Variants in MRM3 observed in about 807,000 individuals in gnomAD.
The protein encoded by MRM3 is rRNA methyltransferase 3, mitochondrial.
In MRM3, 26 loss-of-function variants were observed where a neutral mutation model predicts 29.4. The ratio of observed to expected loss-of-function variants is 0.89; its 90% confidence interval spans 0.65 to 1.23. The LOEUF is 1.23. Ranked by LOEUF, MRM3 falls within the 50% of genes most tolerant of loss-of-function variation. The pLI, the probability that MRM3 is intolerant of heterozygous loss-of-function variation, is 0.00. For missense variants in MRM3, 578 were observed against 540.2 expected, an observed-to-expected ratio of 1.07 and a Z score of -0.69; for synonymous variants, 225 against 219.0, an observed-to-expected ratio of 1.03 and a Z score of -0.24.
Position 782,478 on chromosome 17 carries a change from C to A in MRM3, c.100C>A (p.Arg34=), listed in dbSNP as rs139746250. 942 of 1,613,718 alleles carry A rather than the reference C, an allele frequency of 5.8e-4. 4 individuals are homozygous for A. The African/African-American group carries it at 0.011, about 19-fold the overall frequency. ...LDARRWVRAL[R]RSPVKVVFPS... is the part of the protein sequence containing the mutation. Reference sequence around the variant, plus strand: ...CGCGAGGCGCTGGGTCCGGGCGCTGCGGCGGAGCCCAGTGAAAGTGGTGTT... The same window carrying A: ...CGCGAGGCGCTGGGTCCGGGCGCTGAGGCGGAGCCCAGTGAAAGTGGTGTT... The change falls in exon 1 of 4, where the codon CGG becomes AGG. Residue 34 remains arginine, a synonymous_variant. Coordinates refer to ENST00000304478, the MANE Select transcript of MRM3 (RefSeq NM_018146.4).
chr17:788,084 C>A lies in MRM3; in HGVS notation c.679C>A (p.Leu227Met). ...LRDPGNLGTI[L>M]RSAAGAGCSK... is the part of the protein sequence containing the mutation. ...TGACCCTGGGAACCTGGGGACAATTCTGAGATCTGCAGCTGGGGCAGGCTG... is the reference window on the plus strand; with the variant it reads ...TGACCCTGGGAACCTGGGGACAATTATGAGATCTGCAGCTGGGGCAGGCTG... The change falls in exon 3 of 4, where the codon CTG (leucine) becomes ATG (methionine). Residue 227 changes from leucine (L) to methionine (M), a missense_variant. Transcript: ENST00000304478. 1 of 1,614,166 alleles carries A rather than the reference C, an allele frequency of 6.2e-7. No individual in the cohort carries two copies. The highest frequency in any genetic ancestry group is 8.5e-7 in the Non-Finnish European group (1 of 1,180,036).
At chr17:791,431 A>C (rs1160796274) in intron 3 of MRM3, 103 bp from the exon 4 acceptor site, 3 of 1,200,270 alleles carry the variant, frequency 2.5e-6, no homozygotes, top group Non-Finnish European at 3.5e-6. Context: ...CTATCATAGA[A>C]GAACTGGTTT....
At position 792,202 on chromosome 17, in the gene MRM3, A is replaced by G; in HGVS notation, c.*133A>G. 2.4e-6 allele frequency: 2 copies of G among 830,460 alleles called. No homozygotes were observed. Among genetic ancestry groups the G allele is most frequent in the Non-Finnish European group, 3.7e-6 (2 of 545,384 alleles). 51.4% of individuals were successfully genotyped at this position (830,460 alleles called of 1,614,324 possible). The stretch of plus-strand genomic sequence containing the variant: ...AGGTGTGATGCCGTCATACAGTTAC[A>G]GGAAAAATAAGAACTTCCTCAGAAA... On this transcript the variant is annotated 3_prime_UTR_variant, in exon 4 of 4. Transcript: ENST00000304478.
In MRM3 at chr17:792,026, G is replaced by C; in HGVS notation, c.1220G>C (p.Arg407Pro). The change falls in exon 4 of 4, where the codon CGG becomes CCG. Residue 407 changes from arginine (R) to proline (P), a missense_variant. By Grantham distance (103) the Arg-to-Pro change is moderately radical. Transcript: ENST00000304478. ...ILLFEGKRQL[R>P]GRAEDLSRDR... is the part of the protein sequence containing the mutation. ...CTTTTCGAAGGGAAAAGACAGCTGCGGGGGAGGGCGGAGGACTTGAGCAGG... is the reference window on the plus strand; with the variant it reads ...CTTTTCGAAGGGAAAAGACAGCTGCCGGGGAGGGCGGAGGACTTGAGCAGG... 5 of 1,612,816 alleles carry C rather than the reference G, an allele frequency of 3.1e-6. No individual in the cohort carries two copies. Among genetic ancestry groups the C allele is most frequent in the Non-Finnish European group, 4.2e-6 (5 of 1,179,514 alleles).
At chr17:790,008 C>T (rs1910718141) in intron 3 of MRM3, 1 of 152,276 alleles carries the variant, frequency 6.6e-6, no homozygotes, top group Non-Finnish European at 1.5e-5. Flanking sequence ...AAGCCCGTGG[C>T]TGGGGGTGCA....
chr17:791,863 G>GT lies in MRM3; in HGVS notation c.1058dup (p.Val354GlyfsTer73). ...GGACTGGACAGAGGCGCCGGCAGCT[G>GT]TGGTGATTGGCGGGGAGACCTACGG... is the stretch of plus-strand genomic sequence containing the variant. On this transcript the variant is annotated frameshift_variant, in exon 4 of 4. Coordinates refer to ENST00000304478, the MANE Select transcript of MRM3 (RefSeq NM_018146.4). LOFTEE classifies it high-confidence loss of function. The GT allele has an allele frequency of 3.7e-6, 6 of 1,614,138 alleles. No homozygotes were observed. The highest frequency in any genetic ancestry group is 5.1e-6 in the Non-Finnish European group (6 of 1,180,046).
chr17:783,147 G>T lies in MRM3; in HGVS notation c.379G>T (p.Gly127Cys). 1.2e-6 allele frequency: 2 copies of T among 1,614,110 alleles called. No individual in the cohort carries two copies. The highest frequency in any genetic ancestry group is 2.2e-5 in the South Asian group (2 of 91,088). ...REKQGKILLE[G>C]RRLISDALKA... ...AAAACAAGGGAAGATCCTGCTGGAA[G>T]GTCGCAGGCTCATTTCAGACGCTCT... Residue 127 changes from glycine to cysteine, a missense_variant, in exon 2 of 4, where the codon GGT (glycine) becomes TGT (cysteine). Coordinates refer to ENST00000304478, the MANE Select transcript of MRM3 (RefSeq NM_018146.4).
rs1039337965 is a variant in MRM3 at position 792,382 on chromosome 17, G to A, written c.*313G>A. The A allele has an allele frequency of 1.7e-5, 5 of 293,218 alleles. No individual in the cohort carries two copies. Among genetic ancestry groups the A allele is most frequent in the African/African-American group, 4.3e-5 (2 of 46,106 alleles). 18.2% of individuals were successfully genotyped at this position (293,218 alleles called of 1,614,324 possible). ...AAGTTCCTGAAGCATCATCCTGGCAGGGAGGCGCCTGCTCCACCAGCTGGT... is the reference window on the plus strand; with the variant it reads ...AAGTTCCTGAAGCATCATCCTGGCAAGGAGGCGCCTGCTCCACCAGCTGGT... On this transcript the variant is annotated 3_prime_UTR_variant, in exon 4 of 4. Coordinates refer to ENST00000304478, the MANE Select transcript of MRM3 (RefSeq NM_018146.4).
In MRM3 at chr17:791,604, C is replaced by T; in HGVS notation, c.798C>T (p.Ile266=). The T allele has an allele frequency of 6.2e-7, 1 of 1,614,184 alleles. No homozygotes were observed. The highest frequency in any genetic ancestry group is 8.5e-7 in the Non-Finnish European group (1 of 1,180,042). Residue 266 remains isoleucine, a synonymous_variant, in exon 4 of 4, where the codon ATC becomes ATT. Coordinates refer to ENST00000304478, the MANE Select transcript of MRM3 (RefSeq NM_018146.4). ...GMGAHFRMPI[I]NNLEWETVPN... ...GCGCACATTTCCGGATGCCCATTATCAATAATCTGGAATGGGAAACCGTGC... is the reference window on the plus strand; with the variant it reads ...GCGCACATTTCCGGATGCCCATTATTAATAATCTGGAATGGGAAACCGTGC...
At chr17:783,393 A>G (rs1225122083) in intron 2 of MRM3, 66 bp downstream of exon 2, 10 of 1,479,138 alleles carry the variant, frequency 6.8e-6, no homozygotes, top group African/African-American at 2.8e-5. Context: ...CTGGAGTGCA[A>G]TGGCGCGATC....
At chr17:788,291 G>C (rs1054515460) in intron 3 of MRM3, 159 bp downstream of exon 3, 6 of 652,888 alleles carry the variant, frequency 9.2e-6, no homozygotes, top group Non-Finnish European at 1.5e-5. Flanking sequence ...AGCTGGGTGT[G>C]GTGGGGTGTG....
In MRM3 at chr17:792,069, A is replaced by C; in HGVS notation, c.1263A>C (p.Ter421CysextTer64). 1 of 1,582,566 alleles carries C rather than the reference A, an allele frequency of 6.3e-7. No individual in the cohort carries two copies. The highest frequency in any genetic ancestry group is 2.2e-5 in the East Asian group (1 of 44,486). ...TGAGCAGGGACAGGAGTTACCACTG[A>C]GGACGCAGAAGTGACTTCTGCTTGA... is the stretch of plus-strand genomic sequence containing the variant. ...EDLSRDRSYH* is the reference protein window; with the variant it reads ...EDLSRDRSYHC Residue 421 changes from the stop codon to cysteine (C), a stop_lost, in exon 4 of 4, where the codon TGA (stop) becomes TGC (cysteine). Transcript: ENST00000304478.
At chr17:785,052 C>T (rs955920307) in intron 2 of MRM3, among the ~76,000 whole-genome samples, 39 of 152,006 alleles carry the variant, frequency 2.6e-4, no homozygotes, top group African/African-American at 8.7e-4. Flanking sequence ...CAATCATATA[C>T]GACAAAATAC....
chr17:783,349 C>T (rs777926619), intron 2 of MRM3, 22 bp downstream of exon 2: 150 of 1,325,398 alleles, frequency 1.1e-4, no homozygotes, highest in Admixed American at 5.1e-4. Flanking sequence ...CCCAGTGTAT[C>T]TTTTTTTTTT....
chr17:790,533 C>G (rs1249372761), intron 3 of MRM3: 2 of 212,338 alleles, frequency 9.4e-6, no homozygotes, highest in Non-Finnish European at 2.0e-5. Context: ...ACTGCCTGTG[C>G]CACCACACCC....
chr17:790,215 G>C (rs946929341), intron 3 of MRM3: 2 of 152,472 alleles, frequency 1.3e-5, no homozygotes, highest in Admixed American at 6.5e-5. Context: ...CAGCCCGCCC[G>C]TGGTGAGGAG....
chr17:785,810 T>G (rs1910505435), intron 2 of MRM3, among the ~76,000 whole-genome samples: 1 of 152,244 alleles, frequency 6.6e-6, no homozygotes. Flanking sequence ...GAAAGATAAA[T>G]CAGTATAGCA....
At chr17:788,941 T>C (rs78954852) in intron 3 of MRM3, among the ~76,000 whole-genome samples, 2,709 of 152,332 alleles carry the variant, frequency 0.018, 39 homozygotes, top group East Asian at 0.058. Flanking sequence ...AGTTACTTCA[T>C]ACCTTACCTG....
At position 792,098 on chromosome 17, in the gene MRM3, C is replaced by T. The variant is rs772775499; in HGVS notation, c.*29C>T. 7.1e-6 allele frequency: 11 copies of T among 1,554,124 alleles called. No homozygotes were observed. The East Asian group carries it at 1.4e-4, about 19-fold the overall frequency. On this transcript the variant is annotated 3_prime_UTR_variant, in exon 4 of 4. Transcript: ENST00000304478. ...CGCAGAAGTGACTTCTGCTTGAGGA[C>T]GTCTGCAGCTCCTCCTACACCAGCA...
Sources: gnomAD v4.1 joint callset for allele counts (sites outside exome capture counted in the v4.1 genomes callset) on GRCh38, gnomAD v4.1.1 for gene constraint, MANE v1.5 for transcripts, NCBI Gene and HGNC (gene_info 2026-07-23, HGNC 2026-07-21) for gene names.